The following LHFPL6 variants were observed in gnomAD, a reference collection of about 807,000 sequenced individuals.
LHFPL6 encodes the protein LHFPL tetraspan subfamily member 6, also known as LHFPL tetraspan subfamily member 6 protein.
LHFPL6 carries 9 observed loss-of-function variants against 20.6 expected under a neutral mutation model. That is an observed-to-expected ratio of 0.44 (90% CI 0.26 to 0.76). LHFPL6 has a LOEUF of 0.76. Ranked by LOEUF, LHFPL6 falls within the 30% of genes least tolerant of loss-of-function variation. LHFPL6 has a pLI of 0.20. For synonymous variants in LHFPL6, 105 were observed against 98.7 expected (o/e 1.06, Z -0.38); for missense variants, 218 against 253.5 (o/e 0.86, Z 0.95).
intron 3 of LHFPL6, among the ~76,000 whole-genome samples, chr13:39,373,834 A>G (rs923707537): frequency 2.0e-5 from 3 of 152,226 alleles, no homozygotes; most frequent in East Asian, 3.8e-4. Context: ...ATACCCTTTC[A>G]CACCAGTCAG....
chr13:39,417,509 C>T (rs1006344761), intron 2 of LHFPL6, among the ~76,000 whole-genome samples: 1 of 152,204 alleles, frequency 6.6e-6, no homozygotes, highest in African/African-American at 2.4e-5. Context: ...TTTCCACCCG[C>T]TCAAAAGGCA....
chr13:39,343,252 T>C lies in LHFPL6; in HGVS notation c.*684A>G, dbSNP rs566187930. 1.4e-5 allele frequency: 3 copies of C among 215,656 alleles called. No individual in the cohort carries two copies. In the East Asian group the frequency reaches 2.1e-4, roughly 15 times the overall value. The allele number at this position is 215,656 out of a possible 1,614,324, so 13.4% of individuals were successfully genotyped here. On this transcript the variant is annotated 3_prime_UTR_variant, in exon 4 of 4. Transcript: ENST00000379589. ...ACTAAATTAGAGTTTATGCAGGATA[T>C]ACAAAATACTGATAGTTTGGCTTAT...
intron 2 of LHFPL6, among the ~76,000 whole-genome samples, chr13:39,458,871 G>A (rs1194639645): frequency 1.3e-5 from 2 of 152,070 alleles, no homozygotes; most frequent in East Asian, 1.9e-4. Flanking sequence ...TTAAAATATT[G>A]TAAGGAAATA....
rs1871088216 is a variant in LHFPL6, at chr13:39,405,146, G to T, written c.386-26620C>A. 2.0e-5 allele frequency among the ~76,000 whole-genome samples: 3 copies of T among 152,136 alleles called. No individual in the cohort carries two copies. The South Asian group carries it at 6.2e-4, about 32-fold the overall frequency. On this transcript the variant is annotated intron_variant, in intron 2 of 3. Coordinates refer to ENST00000379589, the MANE Select transcript of LHFPL6 (RefSeq NM_005780.3). Reference sequence around the variant, plus strand: ...GTGATAAAGAGTAATACACATATGTGGACATCTGTCCTCCTTGACTTAAAT... The same window carrying T: ...GTGATAAAGAGTAATACACATATGTTGACATCTGTCCTCCTTGACTTAAAT...
At chr13:39,562,695 C>CACACATAT (rs765672489) in intron 2 of LHFPL6, among the ~76,000 whole-genome samples, 10 of 146,472 alleles carry the variant, frequency 6.8e-5, no homozygotes, top group African/African-American at 2.0e-4. Flanking sequence ...CACACACACA[C>CACACATAT]ATATATATAT....
Position 39,489,418 on chromosome 13 carries a change from A to G in LHFPL6, c.386-110892T>C, listed in dbSNP as rs150332830. On this transcript the variant is annotated intron_variant, in intron 2 of 3. Transcript: ENST00000379589. The stretch of plus-strand genomic sequence containing the variant: ...CAGTTGTCTACACCAATGCTTCATC[A>G]AAAGGGTTAGTCTTGATCATCTCTC... 3.7e-3 allele frequency among the ~76,000 whole-genome samples: 568 copies of G among 152,272 alleles called. 2 individuals are homozygous for G. Among genetic ancestry groups the G allele is most frequent in the African/African-American group, 0.013 (531 of 41,566 alleles).
chr13:39,520,197 G>A (rs1870062082), intron 2 of LHFPL6, among the ~76,000 whole-genome samples: 1 of 152,084 alleles, frequency 6.6e-6, no homozygotes, highest in Admixed American at 6.5e-5. Flanking sequence ...GACATGAAGG[G>A]CCTGTATCAA....
chr13:39,538,417 A>G (rs1452703225), intron 2 of LHFPL6, among the ~76,000 whole-genome samples: 1 of 150,088 alleles, frequency 6.7e-6, no homozygotes, highest in African/African-American at 2.5e-5. Flanking sequence ...CTTGCCAACC[A>G]TGTTTAACCT....
chr13:39,407,837 A>G (rs1871151336), intron 2 of LHFPL6, among the ~76,000 whole-genome samples: 1 of 152,226 alleles, frequency 6.6e-6, no homozygotes. Flanking sequence ...GACTCATTTA[A>G]TTAGCCATCA....
At chr13:39,574,284 C>G (rs1872034423) in intron 2 of LHFPL6, among the ~76,000 whole-genome samples, 1 of 151,978 alleles carries the variant, frequency 6.6e-6, no homozygotes, top group Non-Finnish European at 1.5e-5. Context: ...AGAACAAGAT[C>G]ATCCTGGCTA....
At chr13:39,593,309 G>A (rs1403284592) in intron 2 of LHFPL6, among the ~76,000 whole-genome samples, 1 of 152,176 alleles carries the variant, frequency 6.6e-6, no homozygotes, top group African/African-American at 2.4e-5. Flanking sequence ...AAAATCACAA[G>A]CATTCTTATA....
chr13:39,371,053 A>G (rs2148931), intron 3 of LHFPL6, among the ~76,000 whole-genome samples: 151,480 of 152,242 alleles, frequency 0.99, 75,366 homozygotes, highest in Middle Eastern at 1. Context: ...GTTCAGATTA[A>G]AGTAGAAGAG....
chr13:39,565,287 G>A (rs1167540656), intron 2 of LHFPL6, among the ~76,000 whole-genome samples: 2 of 151,810 alleles, frequency 1.3e-5, no homozygotes, highest in Non-Finnish European at 2.9e-5. Context: ...ATCCAGTACA[G>A]TTCAAAGAGA....
chr13:39,388,635 T>C (rs1358452907), intron 2 of LHFPL6, among the ~76,000 whole-genome samples: 6 of 152,172 alleles, frequency 3.9e-5, no homozygotes, highest in African/African-American at 1.4e-4. Context: ...ACCTTGAACA[T>C]TTATTTTTAT....
chr13:39,475,680 T>C (rs1873068840), intron 2 of LHFPL6, among the ~76,000 whole-genome samples: 1 of 152,106 alleles, frequency 6.6e-6, no homozygotes, highest in African/African-American at 2.4e-5. Flanking sequence ...CATGACAGTT[T>C]TGTCATCACA....
intron 3 of LHFPL6, among the ~76,000 whole-genome samples, chr13:39,345,188 T>C (rs1869358317): frequency 6.6e-6 from 1 of 152,146 alleles, no homozygotes; most frequent in South Asian, 2.1e-4. Flanking sequence ...ACATTTGGAT[T>C]TCACAGTCAC....
At position 39,353,109 on chromosome 13, in the gene LHFPL6, A is replaced by T. The variant is rs980844323; in HGVS notation, c.485-9055T>A. Among the ~76,000 whole-genome samples, 137 of 149,756 alleles carry T rather than the reference A, an allele frequency of 9.1e-4. 2 individuals are homozygous for T. The highest frequency in any genetic ancestry group is 1.3e-3 in the Non-Finnish European group (86 of 67,596). ...GGTATTCTCCTGCCTCAGCCTCCCA[A>T]GTAGCTGGGATTACAGGTGTGTGCC... On this transcript the variant is annotated intron_variant, in intron 3 of 3. Transcript: ENST00000379589.
intron 3 of LHFPL6, among the ~76,000 whole-genome samples, chr13:39,378,073 T>C (rs1428323818): frequency 1.3e-5 from 2 of 152,246 alleles, no homozygotes; most frequent in African/African-American, 4.8e-5. Context: ...TTTCCTTGAC[T>C]ATTTTGTTGT....
intron 2 of LHFPL6, among the ~76,000 whole-genome samples, chr13:39,590,719 T>C (rs1202118170): frequency 1.3e-5 from 2 of 152,244 alleles, no homozygotes; most frequent in Non-Finnish European, 2.9e-5. Context: ...GTAAGTATGA[T>C]ATGATACACA....
Sources: gnomAD v4.1 joint callset for allele counts (sites outside exome capture counted in the v4.1 genomes callset) on GRCh38, gnomAD v4.1.1 for gene constraint, MANE v1.5 for transcripts, NCBI Gene and HGNC (gene_info 2026-07-23, HGNC 2026-07-21) for gene names.